TESC: variants seen among roughly 807,000 people sequenced by gnomAD.
TESC encodes calcineurin B homologous protein 3.
Under a neutral mutation model 31.0 loss-of-function variants are expected in TESC, and 19 were observed. That is an observed-to-expected ratio of 0.61 (90% CI 0.43 to 0.90). TESC has a LOEUF of 0.90. TESC is among the 40% of genes least tolerant of loss of function. The pLI is 0.00. For missense variants in TESC, 248 were observed against 303.8 expected (o/e 0.82, Z 1.36); for synonymous variants, 109 against 114.8 (o/e 0.95, Z 0.32).
chr12:117,075,349 T>C lies in TESC; in HGVS notation c.59-9A>G, dbSNP rs770975181. ...GATCTGATCCGATGAGACTGAGAAG[T>C]GGGGGAAAGAGAGAAAAACAAGACA... is the stretch of plus-strand genomic sequence containing the variant. On this transcript the variant is annotated splice_polypyrimidine_tract_variant and intron_variant, in intron 1 of 7. Coordinates refer to ENST00000335209, the MANE Select transcript of TESC (RefSeq NM_017899.4). 6.2e-7 allele frequency: 1 copy of C among 1,606,042 alleles called. No homozygotes were observed. Among genetic ancestry groups the C allele is most frequent in the Non-Finnish European group, 8.5e-7 (1 of 1,178,996 alleles).
chr12:117,093,553 C>G (rs1185323617), intron 1 of TESC, among the ~76,000 whole-genome samples: 3 of 152,260 alleles, frequency 2.0e-5, no homozygotes, highest in Non-Finnish European at 2.9e-5. Flanking sequence ...GCCACCGCAC[C>G]AGCCTGCGAC....
At chr12:117,094,120 C>T (rs560511996) in intron 1 of TESC, among the ~76,000 whole-genome samples, 17 of 152,288 alleles carry the variant, frequency 1.1e-4, no homozygotes, top group South Asian at 2.1e-4. Context: ...ATCACACCCC[C>T]GGGACGCCTT....
At chr12:117,052,934 T>C (rs1954668983) in intron 3 of TESC, among the ~76,000 whole-genome samples, 1 of 136,114 alleles carries the variant, frequency 7.3e-6, no homozygotes, top group South Asian at 2.3e-4. Flanking sequence ...AGCACCCTCC[T>C]GGGGCCTCCC....
At chr12:117,041,444 C>A (rs184793400) in intron 7 of TESC, among the ~76,000 whole-genome samples, 16 of 152,210 alleles carry the variant, frequency 1.1e-4, no homozygotes, top group Middle Eastern at 3.4e-3. Context: ...GCGATCCTCC[C>A]GCCTCTGCCT....
Position 117,038,953 on chromosome 12 carries a change from T to C in TESC, c.*180A>G. On this transcript the variant is annotated 3_prime_UTR_variant, in exon 8 of 8. Transcript: ENST00000335209. ...TAACAAACCTTTTTTTTTTTTTTAT[T>C]GGAGATAAAAACAGCGAAGTCCCAC... 1.9e-6 allele frequency: 1 copy of C among 539,422 alleles called. No individual in the cohort carries two copies. The highest frequency in any genetic ancestry group is 3.2e-6 in the Non-Finnish European group (1 of 310,564). The allele number at this position is 539,422 out of a possible 1,614,324, so 33.4% of individuals were successfully genotyped here. A position where few individuals can be genotyped will look rare whatever the true frequency, so the allele number is the denominator to read the frequency against.
rs1371489931 is a variant in TESC, at chr12:117,099,102, G to A, written c.58+123C>T. 6.6e-6 allele frequency: 7 copies of A among 1,059,410 alleles called. No homozygotes were observed. In the Admixed American group the frequency reaches 1.6e-4, roughly 24 times the overall value. The allele number at this position is 1,059,410 out of a possible 1,614,324, so 65.6% of individuals were successfully genotyped here. On this transcript the variant is annotated intron_variant, in intron 1 of 7. Coordinates refer to ENST00000335209, the MANE Select transcript of TESC (RefSeq NM_017899.4). The stretch of plus-strand genomic sequence containing the variant: ...GACCCATTTGAAAGAGGAGGAGACT[G>A]AGGCGCAGAGAGGGCCCGCCACTGG...
At chr12:117,085,797 C>T (rs2135797747) in intron 1 of TESC, among the ~76,000 whole-genome samples, 1 of 152,334 alleles carries the variant, frequency 6.6e-6, no homozygotes, top group African/African-American at 2.4e-5. Context: ...ACTCATGAGG[C>T]TGCTTCCTCC....
intron 2 of TESC, among the ~76,000 whole-genome samples, chr12:117,071,398 T>C (rs901126711): frequency 2.6e-5 from 4 of 152,158 alleles, no homozygotes; most frequent in African/African-American, 9.7e-5. Flanking sequence ...AATTCTGTGC[T>C]GTGAATGTTG....
At chr12:117,082,871 T>C (rs955139980) in intron 1 of TESC, among the ~76,000 whole-genome samples, 3 of 152,214 alleles carry the variant, frequency 2.0e-5, no homozygotes, top group African/African-American at 7.2e-5. Context: ...GGAGATTACT[T>C]GTATAATTGT....
Position 117,075,937 on chromosome 12 carries a change from A to ATATATATATATG in TESC, c.59-598_59-597insCATATATATATA, listed in dbSNP as rs767382093. ...TATGTGTGTGTGTATATATATATAT[A>ATATATATATATG]TATGTATATATACATATATATATAT... On this transcript the variant is annotated intron_variant, in intron 1 of 7. Coordinates refer to ENST00000335209, the MANE Select transcript of TESC (RefSeq NM_017899.4). 5.9e-3 allele frequency among the ~76,000 whole-genome samples: 586 copies of ATATATATATATG among 99,342 alleles called. 7 individuals carry two copies. Among genetic ancestry groups the ATATATATATATG allele is most frequent in the East Asian group, 0.021 (87 of 4,142 alleles). 65.2% of individuals were successfully genotyped at this position (99,342 alleles called of 152,430 possible).
chr12:117,038,959 T>TA lies in TESC; in HGVS notation c.*173dup, dbSNP rs1401301794. 1.9e-6 allele frequency: 1 copy of TA among 530,050 alleles called. No individual in the cohort carries two copies. 32.8% of individuals were successfully genotyped at this position (530,050 alleles called of 1,614,324 possible). A position where few individuals can be genotyped will look rare whatever the true frequency, so the allele number is the denominator to read the frequency against. On this transcript the variant is annotated 3_prime_UTR_variant, in exon 8 of 8. Coordinates refer to ENST00000335209, the MANE Select transcript of TESC (RefSeq NM_017899.4). ...ACCTTTTTTTTTTTTTTATTGGAGA[T>TA]AAAAACAGCGAAGTCCCACATACCA... is the stretch of plus-strand genomic sequence containing the variant.
At chr12:117,058,684 A>G (rs536661784) in intron 2 of TESC, among the ~76,000 whole-genome samples, 1 of 150,364 alleles carries the variant, frequency 6.7e-6, no homozygotes, top group Non-Finnish European at 1.5e-5. Flanking sequence ...TCAAGGTTAC[A>G]GTGAGCTATG....
chr12:117,046,945 A>C, intron 4 of TESC, 107 bp from the exon 5 acceptor site: 49 of 1,184,612 alleles, frequency 4.1e-5, no homozygotes, highest in Non-Finnish European at 5.0e-5. Context: ...CCAAACCTCA[A>C]TGCCAAAGCC....
At chr12:117,075,847 G>GTGTATA (rs1309778368) in intron 1 of TESC, among the ~76,000 whole-genome samples, 31 of 67,200 alleles carry the variant, frequency 4.6e-4, no homozygotes, top group African/African-American at 1.9e-3. Context: ...GTGTGTGTGT[G>GTGTATA]TATATATATA....
At position 117,053,003 on chromosome 12, in the gene TESC, G is replaced by T. The variant is rs369666759; in HGVS notation, c.209+3803C>A. Among the ~76,000 whole-genome samples the T allele has an allele frequency of 3.8e-3, 586 of 152,270 alleles. 2 individuals carry two copies. The highest frequency in any genetic ancestry group is 0.013 in the African/African-American group (522 of 41,564). ...CTCCCAGGCCTGCAGGGTGGTCTCAGCCACCCACACCAGCCCAGACCTCAC... is the reference window on the plus strand; with the variant it reads ...CTCCCAGGCCTGCAGGGTGGTCTCATCCACCCACACCAGCCCAGACCTCAC... On this transcript the variant is annotated intron_variant, in intron 3 of 7. Coordinates refer to ENST00000335209, the MANE Select transcript of TESC (RefSeq NM_017899.4).
intron 1 of TESC, among the ~76,000 whole-genome samples, chr12:117,085,852 T>C (rs1157699368): frequency 6.6e-6 from 1 of 152,178 alleles, no homozygotes; most frequent in Non-Finnish European, 1.5e-5. Flanking sequence ...CTTGTGAGGT[T>C]GTTCATGTCA....
At chr12:117,097,694 T>C (rs1955413969) in intron 1 of TESC, among the ~76,000 whole-genome samples, 1 of 152,112 alleles carries the variant, frequency 6.6e-6, no homozygotes, top group South Asian at 2.1e-4. Flanking sequence ...AATGAACATA[T>C]AAAAACGTTT....
chr12:117,049,287 C>T (rs1375971994), intron 3 of TESC, 129 bp from the exon 4 acceptor site: 12 of 1,331,416 alleles, frequency 9.0e-6, no homozygotes, highest in Admixed American at 2.1e-5. Flanking sequence ...TCTCGCCTTG[C>T]GTCTGTGCCC....
At position 117,056,793 on chromosome 12, in the gene TESC, G is replaced by A. The variant is rs754370074; in HGVS notation, c.209+13C>T. On this transcript the variant is annotated intron_variant, in intron 3 of 7. Transcript: ENST00000335209. Reference sequence around the variant, plus strand: ...GTGCCTGCCACTGGGCTGGTTCAGGGGAAAACGCCCACCTGTTGTCGAAGA... The same window carrying A: ...GTGCCTGCCACTGGGCTGGTTCAGGAGAAAACGCCCACCTGTTGTCGAAGA... 6.2e-6 allele frequency: 10 copies of A among 1,613,894 alleles called. No homozygotes were observed. Among genetic ancestry groups the A allele is most frequent in the Non-Finnish European group, 7.6e-6 (9 of 1,179,834 alleles).
Sources: allele counts gnomAD v4.1 joint callset (sites outside exome capture counted in the v4.1 genomes callset), GRCh38; gene constraint gnomAD v4.1.1; transcripts MANE v1.5; gene names NCBI Gene and HGNC (gene_info 2026-07-23, HGNC 2026-07-21).